Variants in SUSD5 observed in about 807,000 individuals in gnomAD.
SUSD5 encodes the protein sushi domain-containing protein 5.
SUSD5 carries 33 observed loss-of-function variants against 29.5 expected under a neutral mutation model. The ratio of observed to expected loss-of-function variants is 1.12; its 90% CI spans 0.85 to 1.49. The LOEUF is 1.49. Ranked by LOEUF, SUSD5 falls within the 40% of genes most tolerant of loss-of-function variation. SUSD5 has a pLI of 0.00. For missense variants in SUSD5, 776 were observed against 800.6 expected (o/e 0.97, Z 0.37); for synonymous variants, 308 against 325.3 (o/e 0.95, Z 0.57).
At chr3:33,163,580 G>A (rs2031238132) in intron 4 of SUSD5, among the ~76,000 whole-genome samples, 1 of 152,022 alleles carries the variant, frequency 6.6e-6, no homozygotes, top group African/African-American at 2.4e-5. Context: ...ATATAGGCTG[G>A]GCCAGGCGTG....
At chr3:33,185,744 C>CT (rs1428845103) in intron 3 of SUSD5, among the ~76,000 whole-genome samples, 1 of 152,158 alleles carries the variant, frequency 6.6e-6, no homozygotes, top group African/African-American at 2.4e-5. Flanking sequence ...TATTACAGCT[C>CT]TTTCCACATT....
intron 1 of SUSD5, among the ~76,000 whole-genome samples, chr3:33,218,228 C>G (rs375178578): frequency 2.6e-5 from 4 of 152,210 alleles, no homozygotes; most frequent in African/African-American, 9.7e-5. Context: ...CTCGCTGATT[C>G]CCACTCATCT....
rs928835866 is a variant in SUSD5 at position 33,152,440 on chromosome 3, G to T, written c.*302C>A. On this transcript the variant is annotated 3_prime_UTR_variant, in exon 5 of 5. Transcript: ENST00000309558. ...GTCTCAAAAAAAAAAAGATAATACT[G>T]TGATGAAGGAAGAGGCGATTTTTGA... The T allele has an allele frequency of 5.1e-5, 17 of 333,350 alleles. No homozygotes were observed. The highest frequency in any genetic ancestry group is 9.3e-5 in the Non-Finnish European group (17 of 183,366). 20.6% of individuals were successfully genotyped at this position (333,350 alleles called of 1,614,324 possible). A position where few individuals can be genotyped will look rare whatever the true frequency, so the allele number is the denominator to read the frequency against.
At chr3:33,182,333 C>T (rs1232526366) in intron 3 of SUSD5, among the ~76,000 whole-genome samples, 2 of 152,176 alleles carry the variant, frequency 1.3e-5, no homozygotes, top group East Asian at 3.8e-4. Flanking sequence ...TTGTGTTTTA[C>T]GGCCCAGGAT....
intron 2 of SUSD5, among the ~76,000 whole-genome samples, chr3:33,208,353 GGTAT>G (rs1274326748): frequency 6.6e-6 from 1 of 151,624 alleles, no homozygotes; most frequent in Non-Finnish European, 1.5e-5. Flanking sequence ...CATGAGTTTG[GGTAT>G]GTACATTTTT....
rs6809162 is a variant in SUSD5, at chr3:33,152,658, C to T, written c.*84G>A. The T allele has an allele frequency of 0.15, 209,267 of 1,385,566 alleles. 16,906 individuals carry two copies. The highest frequency in any genetic ancestry group is 0.22 in the East Asian group (9,260 of 41,852). The allele number at this position is 1,385,566 out of a possible 1,614,324, so 85.8% of individuals were successfully genotyped here. On this transcript the variant is annotated 3_prime_UTR_variant, in exon 5 of 5. Coordinates refer to ENST00000309558, the MANE Select transcript of SUSD5 (RefSeq NM_015551.2). ...AAAATGATGAGCCTCAGTCCACCTG[C>T]GTCATGCTCTAGTGAATTATCGTGT...
chr3:33,207,736 G>C, intron 3 of SUSD5, 72 bp downstream of exon 3: 1 of 1,031,894 alleles, frequency 9.7e-7, no homozygotes, highest in Non-Finnish European at 1.4e-6. Flanking sequence ...TTTTCTTCTA[G>C]AGAAACCAAC....
chr3:33,193,025 C>G (rs1408030609), intron 3 of SUSD5, among the ~76,000 whole-genome samples: 1 of 151,790 alleles, frequency 6.6e-6, no homozygotes, highest in Non-Finnish European at 1.5e-5. Context: ...TGCCAAACAA[C>G]GGTTTTTTGC....
At chr3:33,186,583 T>C (rs190064698) in intron 3 of SUSD5, among the ~76,000 whole-genome samples, 1 of 151,732 alleles carries the variant, frequency 6.6e-6, no homozygotes, top group African/African-American at 2.4e-5. Context: ...CGTGCCACCA[T>C]GCCCAGCTAA....
chr3:33,192,072 T>C (rs559578694), intron 3 of SUSD5, among the ~76,000 whole-genome samples: 3 of 145,034 alleles, frequency 2.1e-5, no homozygotes, highest in African/African-American at 7.4e-5. Flanking sequence ...CTTATATTAA[T>C]GCGCATATTT....
chr3:33,199,790 G>A (rs934735068), intron 3 of SUSD5, among the ~76,000 whole-genome samples: 8 of 152,156 alleles, frequency 5.3e-5, no homozygotes, highest in African/African-American at 1.7e-4. Flanking sequence ...TGGTTCAAAT[G>A]TTTGACTCCT....
At chr3:33,203,827 G>A (rs2032164649) in intron 3 of SUSD5, among the ~76,000 whole-genome samples, 1 of 152,126 alleles carries the variant, frequency 6.6e-6, no homozygotes, top group East Asian at 1.9e-4. Context: ...CCATGATTCA[G>A]TGTTATTTTG....
intron 3 of SUSD5, among the ~76,000 whole-genome samples, chr3:33,185,069 A>G (rs2031750359): frequency 6.6e-6 from 1 of 152,182 alleles, no homozygotes; most frequent in Admixed American, 6.6e-5. Flanking sequence ...GAAGTGTTCT[A>G]GAGTCCCATG....
intron 3 of SUSD5, among the ~76,000 whole-genome samples, chr3:33,202,072 C>A (rs2032131915): frequency 6.6e-6 from 1 of 150,800 alleles, no homozygotes; most frequent in Admixed American, 6.6e-5. Context: ...GTCTATCTAT[C>A]TATCTATCAT....
At chr3:33,211,977 C>T (rs1012001933) in intron 2 of SUSD5, among the ~76,000 whole-genome samples, 2 of 152,038 alleles carry the variant, frequency 1.3e-5, no homozygotes, top group Admixed American at 1.3e-4. Flanking sequence ...TTCCCAGCAC[C>T]ATTTATTGAA....
chr3:33,153,750 G>A lies in SUSD5; in HGVS notation c.882C>T (p.Phe294=). 1 of 1,614,064 alleles carries A rather than the reference G, an allele frequency of 6.2e-7. No individual in the cohort carries two copies. The change falls in exon 5 of 5, where the codon TTC becomes TTT. Residue 294 remains phenylalanine (F), a synonymous_variant. Transcript: ENST00000309558. ...PGSRLLQKHL[F]WFPAEAFHKP... ...TGTGGAAAGCCTCAGCAGGAAACCA[G>A]AACAAGTGCTTCTGGAGCAGCCGTG...
At chr3:33,199,467 G>A (rs2032066133) in intron 3 of SUSD5, among the ~76,000 whole-genome samples, 1 of 152,102 alleles carries the variant, frequency 6.6e-6, no homozygotes, top group Admixed American at 6.5e-5. Context: ...CAGAGACAGG[G>A]TTTCACCGTG....
At chr3:33,218,283 T>G (rs530768601) in intron 1 of SUSD5, among the ~76,000 whole-genome samples, 9 of 152,336 alleles carry the variant, frequency 5.9e-5, no homozygotes, top group African/African-American at 2.2e-4. Flanking sequence ...GGGAGTTTTC[T>G]AACCATCGGC....
intron 2 of SUSD5, 48 bp downstream of exon 2, chr3:33,213,880 G>C: frequency 6.5e-7 from 1 of 1,545,996 alleles, no homozygotes; most frequent in Non-Finnish European, 8.8e-7. Context: ...TATAAGCCTT[G>C]GTGGTGCAAC....
Sources: gnomAD v4.1 joint callset for allele counts (sites outside exome capture counted in the v4.1 genomes callset) on GRCh38, gnomAD v4.1.1 for gene constraint, MANE v1.5 for transcripts, NCBI Gene and HGNC (gene_info 2026-07-23, HGNC 2026-07-21) for gene names.